The following GON4L variants were observed in gnomAD, a reference collection of about 807,000 sequenced individuals.
GON4L encodes gon-4 like.
GON4L carries 87 observed loss-of-function variants against 211.8 expected under a neutral mutation model. The ratio of observed to expected loss-of-function variants is 0.41; its 90% CI spans 0.35 to 0.49. The LOEUF is 0.49. Among genes scored for constraint, GON4L ranks in the 20% least tolerant of loss-of-function variants. The probability of loss-of-function intolerance (pLI) is 0.15; values close to 1 mark genes in which losing one functional copy is unlikely to be tolerated. For missense variants in GON4L, 2,155 were observed against 2,659.5 expected (o/e 0.81, Z 4.17); for synonymous variants, 875 against 962.6 (o/e 0.91, Z 1.68).
At chr1:155,858,748 C>T (rs1006368602), upstream of GON4L, among the ~76,000 whole-genome samples, 1 of 142,982 alleles carries the variant, frequency 7.0e-6, no homozygotes, top group Admixed American at 7.4e-5. Flanking sequence ...GTTCTGTTGC[C>T]CAGGCTGGAG....
At position 155,813,932 on chromosome 1, in the gene GON4L, G is replaced by A. The variant is rs1219929667; in HGVS notation, c.1282-128C>T. ...ACACCATTGTCCTTTCTCTTCTCTA[G>A]TTAGAGTTACATAAAAACAAAGACA... On this transcript the variant is annotated intron_variant, in intron 9 of 31. Coordinates refer to ENST00000368331, the MANE Select transcript of GON4L (RefSeq NM_001282860.2). The A allele has an allele frequency of 5.4e-6, 4 of 740,660 alleles. No homozygotes were observed. The South Asian group carries it at 6.3e-5, about 12-fold the overall frequency. The allele number at this position is 740,660 out of a possible 1,614,324, so 45.9% of individuals were successfully genotyped here.
In GON4L at chr1:155,791,892, C is replaced by T. The variant is rs1239804774; in HGVS notation, c.1747+3158G>A. On this transcript the variant is annotated intron_variant, in intron 12 of 31. Coordinates refer to ENST00000368331, the MANE Select transcript of GON4L (RefSeq NM_001282860.2). ...TCAAAAATAACATAACATAACATAA[C>T]ATAACATAACATAACATAACATAAC... 2.8e-5 allele frequency among the ~76,000 whole-genome samples: 3 copies of T among 105,264 alleles called. No individual in the cohort carries two copies. The Admixed American group carries it at 2.9e-4, about 10-fold the overall frequency. The allele number at this position is 105,264 out of a possible 152,430, so 69.1% of individuals were successfully genotyped here.
At chr1:155,838,011 C>T (rs1344964571) in intron 2 of GON4L, among the ~76,000 whole-genome samples, 1 of 152,156 alleles carries the variant, frequency 6.6e-6, no homozygotes, top group Non-Finnish European at 1.5e-5. Flanking sequence ...CACCTCCCAA[C>T]CTTTTGGGAG....
At chr1:155,851,902 C>T (rs1252185803) in intron 2 of GON4L, among the ~76,000 whole-genome samples, 4 of 152,036 alleles carry the variant, frequency 2.6e-5, no homozygotes, top group South Asian at 2.1e-4. Context: ...TGGTGGCTCA[C>T]GCCTGTAATC....
Position 155,765,705 on chromosome 1 carries a change from A to C in GON4L, c.3768T>G (p.Pro1256=), listed in dbSNP as rs1254046007. 2 of 1,614,150 alleles carry C rather than the reference A, an allele frequency of 1.2e-6. No individual in the cohort carries two copies. Among genetic ancestry groups the C allele is most frequent in the Non-Finnish European group, 1.7e-6 (2 of 1,180,028 alleles). ...CTTTCGGGAAAACAGTAGCAGAGAG[A>C]GGAGATAGTTCCTGGGGCTCTAATT... is the stretch of plus-strand genomic sequence containing the variant. ...EPKLEPQELS[P]LSATVFPKVE... Residue 1256 remains proline (P), a synonymous_variant, in exon 21 of 32, where the codon CCT becomes CCG. Transcript: ENST00000368331.
chr1:155,847,329 G>C (rs1447927316), intron 2 of GON4L, among the ~76,000 whole-genome samples: 1 of 152,196 alleles, frequency 6.6e-6, no homozygotes, highest in Non-Finnish European at 1.5e-5. Context: ...CACTTTGGGA[G>C]GCTGAGGCGG....
chr1:155,745,342 C>A (rs1007577114), downstream of GON4L, among the ~76,000 whole-genome samples: 1 of 152,250 alleles, frequency 6.6e-6, no homozygotes, highest in Non-Finnish European at 1.5e-5. Context: ...CCACGGGGAT[C>A]TGTGGACTTC....
chr1:155,766,837 G>A (rs1279296299), intron 20 of GON4L, 128 bp from the exon 21 acceptor site: 1 of 1,421,446 alleles, frequency 7.0e-7, no homozygotes, highest in Non-Finnish European at 9.7e-7. Context: ...CTTGAGGTCA[G>A]GAGTTCAGGA....
chr1:155,811,198 C>G (rs1351588306), intron 10 of GON4L, among the ~76,000 whole-genome samples: 3 of 151,506 alleles, frequency 2.0e-5, no homozygotes. Flanking sequence ...CAAGACCATC[C>G]TGGCTAACAC....
At chr1:155,778,975 C>A (rs1002172075) in intron 14 of GON4L, among the ~76,000 whole-genome samples, 3 of 152,014 alleles carry the variant, frequency 2.0e-5, no homozygotes, top group East Asian at 3.9e-4. Context: ...AATATGATAA[C>A]CTGCTTGTTG....
Position 155,814,747 on chromosome 1 carries a change from A to AAAATAAAT in GON4L, c.1162-306_1162-299dup, listed in dbSNP as rs139861277. On this transcript the variant is annotated intron_variant, in intron 8 of 31. Transcript: ENST00000368331. ...GGTGGCAGAGCGAGACTCTGTCTCA[A>AAAATAAAT]AAATAAATAAATAAATAAATAAAAT... Among the ~76,000 whole-genome samples, 170 of 149,416 alleles carry AAAATAAAT rather than the reference A, an allele frequency of 1.1e-3. 1 individual carries two copies. The highest frequency in any genetic ancestry group is 3.4e-3 in the Middle Eastern group (1 of 292).
intron 20 of GON4L, 193 bp downstream of exon 20, chr1:155,767,232 C>A (rs1662608379): frequency 7.8e-7 from 1 of 1,281,874 alleles, no homozygotes; most frequent in Non-Finnish European, 1.1e-6. Flanking sequence ...TATTATTTTA[C>A]CTATTATTTT....
At chr1:155,749,621 C>T, downstream of GON4L, 1 of 1,416,814 alleles carries the variant, frequency 7.1e-7, no homozygotes, top group Non-Finnish European at 9.4e-7. Flanking sequence ...ATGGTTCCCC[C>T]AAGGGAGCAG....
At chr1:155,842,244 G>A (rs1670833778) in intron 2 of GON4L, among the ~76,000 whole-genome samples, 1 of 152,072 alleles carries the variant, frequency 6.6e-6, no homozygotes, top group African/African-American at 2.4e-5. Flanking sequence ...AAAAACTTGG[G>A]GCAGGGGTGG....
downstream of GON4L, chr1:155,745,784 C>G (rs1158942920): frequency 1.4e-6 from 1 of 717,326 alleles, no homozygotes; most frequent in South Asian, 1.8e-5. Flanking sequence ...CTAGGAGCAG[C>G]GAGCGGCGCG....
At chr1:155,820,578 A>AT in intron 6 of GON4L, 28 bp downstream of exon 6, 2 of 1,548,656 alleles carry the variant, frequency 1.3e-6, no homozygotes, top group Non-Finnish European at 1.8e-6. Flanking sequence ...CTAAAAAAAA[A>AT]CCAACAACAA....
intron 10 of GON4L, among the ~76,000 whole-genome samples, chr1:155,812,872 A>T (rs1170014306): frequency 6.6e-6 from 1 of 152,156 alleles, no homozygotes; most frequent in African/African-American, 2.4e-5. Context: ...CCTGATTTTG[A>T]TTAACACTAT....
In GON4L at chr1:155,853,751, T is replaced by C. The variant is rs1672024536; in HGVS notation, c.30A>G (p.Thr10=). The change falls in exon 2 of 32, where the codon ACA becomes ACG. Residue 10 remains threonine (T), a synonymous_variant. Coordinates refer to ENST00000368331, the MANE Select transcript of GON4L (RefSeq NM_001282860.2). ...CTTTATGCTGTAGGGACTCTGTCACTGTAGTTCTTCTCTTCTTACAGGGCA... is the reference window on the plus strand; with the variant it reads ...CTTTATGCTGTAGGGACTCTGTCACCGTAGTTCTTCTCTTCTTACAGGGCA... MLPCKKRRT[T]VTESLQHKGN... 3 of 1,613,652 alleles carry C rather than the reference T, an allele frequency of 1.9e-6. No homozygotes were observed. The highest frequency in any genetic ancestry group is 1.7e-5 in the Admixed American group (1 of 60,028).
At chr1:155,748,095 C>G (rs554649563), downstream of GON4L, 24 of 1,608,408 alleles carry the variant, frequency 1.5e-5, no homozygotes, top group Admixed American at 2.5e-4. Context: ...GCGACCTGAG[C>G]CACCTGTCAA....
Sources: allele counts gnomAD v4.1 joint callset (sites outside exome capture counted in the v4.1 genomes callset), GRCh38; gene constraint gnomAD v4.1.1; transcripts MANE v1.5; gene names NCBI Gene and HGNC (gene_info 2026-07-23, HGNC 2026-07-21).